PIK3C2A: variants seen among roughly 807,000 people sequenced by gnomAD.
PIK3C2A encodes the protein phosphatidylinositol 4-phosphate 3-kinase C2 domain-containing subunit alpha.
A neutral mutation model predicts 204.5 loss-of-function variants in PIK3C2A; 97 were observed. The observed-to-expected ratio is 0.47, with a 90% CI of 0.40 to 0.56. The LOEUF (loss-of-function observed/expected upper bound fraction) is 0.56. PIK3C2A is among the 20% of genes least tolerant of loss of function. PIK3C2A has a pLI of 0.00. For synonymous variants in PIK3C2A, 653 were observed against 664.4 expected, an observed-to-expected ratio of 0.98 and a Z score of 0.26; for missense variants, 1,735 against 1,969.2, an observed-to-expected ratio of 0.88 and a Z score of 2.25.
chr11:17,090,584 A>G (rs1590889020), intron 32 of PIK3C2A, among the ~76,000 whole-genome samples: 1 of 152,320 alleles, frequency 6.6e-6, no homozygotes, highest in East Asian at 1.9e-4. Context: ...TTTTGTGACT[A>G]TTATAGAGGG....
intron 1 of PIK3C2A, among the ~76,000 whole-genome samples, chr11:17,206,200 A>G (rs1852567833): frequency 6.6e-6 from 1 of 152,200 alleles, no homozygotes; most frequent in African/African-American, 2.4e-5. Flanking sequence ...CATATAAAAC[A>G]CAAATAGCAA....
In PIK3C2A at chr11:17,163,303, G is replaced by A. The variant is rs1033328382; in HGVS notation, c.1065+5374C>T. Among the ~76,000 whole-genome samples the A allele has an allele frequency of 4.6e-5, 7 of 152,078 alleles. No individual in the cohort carries two copies. The South Asian group carries it at 6.2e-4, about 14-fold the overall frequency. Reference sequence around the variant, plus strand: ...AGCCTGGGTGACAGAGCGAGACCCTGTTTCAAAAAAACAAACAAAAACAAA... The same window carrying A: ...AGCCTGGGTGACAGAGCGAGACCCTATTTCAAAAAAACAAACAAAAACAAA... On this transcript the variant is annotated intron_variant, in intron 2 of 32. Coordinates refer to ENST00000691414, the MANE Select transcript of PIK3C2A (RefSeq NM_002645.4).
chr11:17,104,560 C>T (rs1475404063), intron 23 of PIK3C2A, among the ~76,000 whole-genome samples: 3 of 151,878 alleles, frequency 2.0e-5, no homozygotes, highest in Non-Finnish European at 4.4e-5. Context: ...CCCACCTCTA[C>T]TAAAAATACA....
intron 22 of PIK3C2A, 94 bp from the exon 23 acceptor site, chr11:17,105,399 T>C (rs546594903): frequency 1.8e-6 from 2 of 1,102,030 alleles, no homozygotes; most frequent in African/African-American, 3.2e-5. Flanking sequence ...TAAATTTCAC[T>C]TTAAGTTCTG....
intron 2 of PIK3C2A, 51 bp downstream of exon 2, chr11:17,168,626 A>G: frequency 8.4e-7 from 1 of 1,189,732 alleles, no homozygotes; most frequent in Non-Finnish European, 1.2e-6. Flanking sequence ...GTACACAAAT[A>G]TGAACTCTGT....
In PIK3C2A at chr11:17,089,860, G is replaced by A; in HGVS notation, c.4939C>T (p.Leu1647Phe). 1 of 1,613,326 alleles carries A rather than the reference G, an allele frequency of 6.2e-7. No homozygotes were observed. The highest frequency in any genetic ancestry group is 1.3e-5 in the African/African-American group (1 of 75,024). ...LRQRELQLSVLSAESLRENFF... is the reference protein window; with the variant it reads ...LRQRELQLSVFSAESLRENFF... ...TTCTCCCGCAGAGATTCTGCACTGA[G>A]TACACTTAGTTGAAGTTCTCGCTGT... is the stretch of plus-strand genomic sequence containing the variant. Residue 1647 changes from leucine to phenylalanine, a missense_variant, in exon 33 of 33, where the codon CTC (leucine) becomes TTC (phenylalanine). Physicochemically the swap from Leu to Phe is conservative, Grantham distance 22. Coordinates refer to ENST00000691414, the MANE Select transcript of PIK3C2A (RefSeq NM_002645.4).
In PIK3C2A at chr11:17,089,841, C is replaced by T. The variant is rs1199436781; in HGVS notation, c.4958G>A (p.Arg1653Gln). ...QLSVLSAESL[R>Q]ENFFLGGVTL... ...TACTCCACCCAAGAAAAAATTCTCC[C>T]GCAGAGATTCTGCACTGAGTACACT... Residue 1653 changes from arginine to glutamine, a missense_variant, in exon 33 of 33, where the codon CGG becomes CAG. By Grantham distance (43) the Arg-to-Gln change is conservative. Around this residue, in one of 6 missense-constraint regions of PIK3C2A, gnomAD observed 503 missense variants for 669.0 expected, o/e 0.75. Coordinates refer to ENST00000691414, the MANE Select transcript of PIK3C2A (RefSeq NM_002645.4). 9.3e-6 allele frequency: 15 copies of T among 1,613,654 alleles called. No individual in the cohort carries two copies. Among genetic ancestry groups the T allele is most frequent in the East Asian group, 4.5e-5 (2 of 44,874 alleles).
chr11:17,188,244 C>T (rs1380119169), intron 1 of PIK3C2A, among the ~76,000 whole-genome samples: 1 of 134,434 alleles, frequency 7.4e-6, no homozygotes, highest in Non-Finnish European at 1.5e-5. Context: ...GAGTCTGAGG[C>T]AGGAGAATCA....
intron 15 of PIK3C2A, among the ~76,000 whole-genome samples, chr11:17,120,872 C>T (rs1849346598): frequency 1.3e-5 from 2 of 151,972 alleles, no homozygotes; most frequent in East Asian, 1.9e-4. Flanking sequence ...TGCAGTGGCA[C>T]GATCTTGGCT....
intron 13 of PIK3C2A, among the ~76,000 whole-genome samples, chr11:17,125,801 G>A (rs980941702): frequency 1.3e-5 from 2 of 152,006 alleles, no homozygotes; most frequent in African/African-American, 4.8e-5. Context: ...TAACGGGCTA[G>A]CTAAAGATTT....
chr11:17,163,425 G>C (rs1186552954), intron 2 of PIK3C2A, among the ~76,000 whole-genome samples: 2 of 152,098 alleles, frequency 1.3e-5, no homozygotes, highest in African/African-American at 4.8e-5. Context: ...TTTAGACACA[G>C]GGTCTCATTC....
chr11:17,184,222 TAA>T (rs5789975), intron 1 of PIK3C2A, among the ~76,000 whole-genome samples: 1 of 146,674 alleles, frequency 6.8e-6, no homozygotes, highest in Admixed American at 6.8e-5. Flanking sequence ...CCTTCTACTT[TAA>T]AAAAAAAAAA....
At chr11:17,173,390 A>G (rs562091669) in intron 1 of PIK3C2A, among the ~76,000 whole-genome samples, 1 of 152,342 alleles carries the variant, frequency 6.6e-6, no homozygotes, top group Non-Finnish European at 1.5e-5. Context: ...CTTTGAGCTT[A>G]CTAAACTCAG....
At chr11:17,154,701 A>G (rs1300126150) in intron 3 of PIK3C2A, among the ~76,000 whole-genome samples, 1 of 152,180 alleles carries the variant, frequency 6.6e-6, no homozygotes, top group Non-Finnish European at 1.5e-5. Context: ...CATGGAGGAA[A>G]GGCAGAGGAA....
chr11:17,097,326 G>T, intron 26 of PIK3C2A, 62 bp from the exon 27 acceptor site: 1 of 1,044,528 alleles, frequency 9.6e-7, no homozygotes, highest in Non-Finnish European at 1.4e-6. Context: ...TTCTTTCAAT[G>T]TAATAAATGA....
intron 21 of PIK3C2A, 41 bp from the exon 22 acceptor site, chr11:17,110,602 A>G (rs761815326): frequency 6.3e-7 from 1 of 1,581,222 alleles, no homozygotes; most frequent in Admixed American, 1.8e-5. Flanking sequence ...TACATCTCCA[A>G]AAGACTTAAC....
chr11:17,129,067 G>C (rs1849611232), intron 13 of PIK3C2A, among the ~76,000 whole-genome samples: 1 of 152,220 alleles, frequency 6.6e-6, no homozygotes, highest in African/African-American at 2.4e-5. Context: ...CCATGGAACA[G>C]TGAGTGGCAA....
intron 3 of PIK3C2A, among the ~76,000 whole-genome samples, chr11:17,151,532 A>C (rs1006633663): frequency 6.6e-6 from 1 of 152,212 alleles, no homozygotes; most frequent in Non-Finnish European, 1.5e-5. Context: ...GAGGTAGCAC[A>C]TGTAACCATT....
At chr11:17,121,499 A>G (rs554189596) in intron 15 of PIK3C2A, among the ~76,000 whole-genome samples, 1 of 152,360 alleles carries the variant, frequency 6.6e-6, no homozygotes, top group African/African-American at 2.4e-5. Flanking sequence ...AGTTTTATAT[A>G]ACTGCAAATG....
Sources: allele counts gnomAD v4.1 joint callset (sites outside exome capture counted in the v4.1 genomes callset), GRCh38; gene constraint gnomAD v4.1.1; regional missense constraint gnomAD v4.1.1; transcripts MANE v1.5; gene names NCBI Gene and HGNC (gene_info 2026-07-23, HGNC 2026-07-21).